ABHD2: variants seen among roughly 807,000 people sequenced by gnomAD.
The protein encoded by ABHD2 is monoacylglycerol lipase ABHD2.
In ABHD2, 20 loss-of-function variants were observed where a neutral mutation model predicts 48.1. The observed-to-expected ratio is 0.42, with a 90% CI of 0.29 to 0.60. ABHD2 has a LOEUF of 0.60. Ranked by LOEUF, ABHD2 falls within the 20% of genes least tolerant of loss-of-function variation. ABHD2 has a pLI of 0.24. For synonymous variants in ABHD2, 209 were observed against 214.2 expected (o/e 0.98, Z 0.21); for missense variants, 405 against 550.9 (o/e 0.74, Z 2.65).
the ABHD2 span, among the ~76,000 whole-genome samples, chr15:89,057,650 A>T: frequency 6.6e-6 from 1 of 151,328 alleles, no homozygotes; most frequent in Non-Finnish European, 1.5e-5. Flanking sequence ...CGTTGGGCTC[A>T]CCCCCATTCC....
chr15:89,062,407 C>G, the ABHD2 span, among the ~76,000 whole-genome samples: 1 of 151,902 alleles, frequency 6.6e-6, no homozygotes, highest in South Asian at 2.1e-4. Flanking sequence ...TTTTTTGAGA[C>G]AGGGTCTCAC....
At chr15:89,086,175 G>A (rs969241756), upstream of ABHD2, among the ~76,000 whole-genome samples, 5 of 151,866 alleles carry the variant, frequency 3.3e-5, no homozygotes, top group African/African-American at 1.2e-4. Context: ...TTACAGGTGT[G>A]TGCCACCATG....
intron 5 of ABHD2, among the ~76,000 whole-genome samples, chr15:89,158,756 A>G (rs928477519): frequency 6.6e-6 from 1 of 152,034 alleles, no homozygotes; most frequent in Admixed American, 6.5e-5. Context: ...TCTGTCACCC[A>G]GGAGGGAGTG....
At chr15:89,158,315 C>G (rs143057320) in intron 5 of ABHD2, among the ~76,000 whole-genome samples, 263 of 152,286 alleles carry the variant, frequency 1.7e-3, no homozygotes, top group African/African-American at 5.6e-3. Context: ...ATCTGGCTGC[C>G]GGAATCATCT....
At chr15:89,133,329 C>G (rs1288506065) in intron 3 of ABHD2, among the ~76,000 whole-genome samples, 1 of 152,162 alleles carries the variant, frequency 6.6e-6, no homozygotes, top group African/African-American at 2.4e-5. Context: ...TAATCTTTTG[C>G]TTTCACAATG....
At chr15:89,068,193 C>T in the ABHD2 span, among the ~76,000 whole-genome samples, 78 of 50,892 alleles carry the variant, frequency 1.5e-3, no homozygotes, top group Middle Eastern at 0.019. Flanking sequence ...CACATGTGCG[C>T]GTGCACACAC....
At chr15:89,096,084 G>A (rs969400956) in intron 1 of ABHD2, among the ~76,000 whole-genome samples, 1 of 152,200 alleles carries the variant, frequency 6.6e-6, no homozygotes, top group East Asian at 1.9e-4. Flanking sequence ...TGGTCCCAGC[G>A]AGAAAAGGAG....
intron 2 of ABHD2, among the ~76,000 whole-genome samples, chr15:89,115,661 A>T (rs1396575982): frequency 6.6e-6 from 1 of 152,164 alleles, no homozygotes; most frequent in Non-Finnish European, 1.5e-5. Context: ...TGAAACCCTT[A>T]GTAGCCAGGA....
intron 3 of ABHD2, among the ~76,000 whole-genome samples, chr15:89,145,711 C>G (rs565108626): frequency 6.1e-4 from 93 of 152,320 alleles, no homozygotes; most frequent in African/African-American, 2.1e-3. Flanking sequence ...GTGTGTCGCC[C>G]ACCCACTCTG....
At chr15:89,068,519 A>G in the ABHD2 span, among the ~76,000 whole-genome samples, 1 of 152,150 alleles carries the variant, frequency 6.6e-6, no homozygotes, top group Non-Finnish European at 1.5e-5. Flanking sequence ...TTTCAGCCCA[A>G]ACACCTACAC....
At chr15:89,165,304 T>A (rs185776848) in intron 5 of ABHD2, among the ~76,000 whole-genome samples, 1,694 of 151,024 alleles carry the variant, frequency 0.011, 19 homozygotes, top group African/African-American at 0.034. Context: ...TTTTTTTTTT[T>A]TAAAAAAATT....
chr15:89,144,997 C>G (rs1160966657), intron 3 of ABHD2, among the ~76,000 whole-genome samples: 2 of 152,194 alleles, frequency 1.3e-5, no homozygotes, highest in African/African-American at 4.8e-5. Flanking sequence ...TGGCTCACAC[C>G]TGTAATCCCA....
chr15:89,170,341 C>T (rs1012991486), intron 5 of ABHD2, among the ~76,000 whole-genome samples: 39 of 151,892 alleles, frequency 2.6e-4, no homozygotes, highest in African/African-American at 8.5e-4. Flanking sequence ...AAATGATCCA[C>T]CCGCCTCAGC....
chr15:89,152,457 C>T (rs2050609549), intron 4 of ABHD2, among the ~76,000 whole-genome samples: 1 of 152,096 alleles, frequency 6.6e-6, no homozygotes, highest in South Asian at 2.1e-4. Flanking sequence ...GCCCAGGCAC[C>T]CCAGGACCAG....
intron 6 of ABHD2, among the ~76,000 whole-genome samples, chr15:89,178,863 G>A (rs545512958): frequency 6.2e-4 from 94 of 152,248 alleles, no homozygotes; most frequent in Middle Eastern, 6.8e-3. Context: ...AAGAAAATGG[G>A]GAGAGAAGCA....
chr15:89,079,519 A>C, the ABHD2 span, among the ~76,000 whole-genome samples: 2 of 135,972 alleles, frequency 1.5e-5, no homozygotes, highest in South Asian at 4.9e-4. This position sits in a 1 kb window ranked among gnomAD's most constrained non-coding sequence, Gnocchi z 4.3. Context: ...AAACCTCTAC[A>C]TGGATAGAGA....
At chr15:89,080,694 CTT>C in the ABHD2 span, among the ~76,000 whole-genome samples, 5,587 of 141,316 alleles carry the variant, frequency 0.04, 207 homozygotes, top group African/African-American at 0.099. Context: ...GAAAAGGAGA[CTT>C]TTTTTTTTTT....
Position 89,175,905 on chromosome 15 carries a change from A to G in ABHD2, c.632A>G (p.Asn211Ser), listed in dbSNP as rs1435151690. 2 of 1,614,002 alleles carry G rather than the reference A, an allele frequency of 1.2e-6. No individual in the cohort carries two copies. Among genetic ancestry groups the G allele is most frequent in the African/African-American group, 2.7e-5 (2 of 74,920 alleles). ...GTCGTGGGCTTCAGCCTGGGTGGTAACATTGTGTGCAAATACTTGGGGGAG... is the reference window on the plus strand; with the variant it reads ...GTCGTGGGCTTCAGCCTGGGTGGTAGCATTGTGTGCAAATACTTGGGGGAG... ...LVVVGFSLGGNIVCKYLGETQ... is the reference protein window; with the variant it reads ...LVVVGFSLGGSIVCKYLGETQ... Residue 211 changes from asparagine to serine, a missense_variant, in exon 6 of 11, where the codon AAC becomes AGC. Transcript: ENST00000352732. The surrounding 1 kb of genome is among the most constrained non-coding windows in gnomAD (Gnocchi z 5.7).
chr15:89,181,095 G>A (rs28521493), intron 6 of ABHD2, among the ~76,000 whole-genome samples: 6,924 of 151,652 alleles, frequency 0.046, 476 homozygotes, highest in African/African-American at 0.15. Flanking sequence ...GTGTGGTGGC[G>A]CGCACCTGTA....
Sources: gnomAD v4.1 joint callset for allele counts (sites outside exome capture counted in the v4.1 genomes callset) on GRCh38, gnomAD v4.1.1 for gene constraint, Gnocchi (gnomAD v3.1) non-coding constraint, MANE v1.5 for transcripts, NCBI Gene and HGNC (gene_info 2026-07-23, HGNC 2026-07-21) for gene names.